The following SGCD variants were observed in gnomAD, a reference collection of about 807,000 sequenced individuals.
The protein encoded by SGCD is delta-sarcoglycan.
In SGCD, 18 loss-of-function variants were observed where a neutral mutation model predicts 36.6. That is an observed-to-expected ratio of 0.49 (90% CI 0.34 to 0.73). SGCD has a LOEUF of 0.73. SGCD is among the 30% of genes least tolerant of loss of function. The pLI, the probability that SGCD is intolerant of heterozygous loss-of-function variation, is 0.01. For synonymous variants in SGCD, 133 were observed against 130.6 expected, an observed-to-expected ratio of 1.02 and a Z score of -0.12; for missense variants, 387 against 346.7, an observed-to-expected ratio of 1.12 and a Z score of -0.92.
intron 3 of SGCD, among the ~76,000 whole-genome samples, chr5:156,362,746 G>C (rs568467950): frequency 7.9e-5 from 12 of 152,288 alleles, no homozygotes; most frequent in African/African-American, 2.9e-4. Flanking sequence ...TTTCCAATAA[G>C]GGATACTTGG....
At chr5:156,176,908 C>A (rs1298034585) in intron 3 of SGCD, among the ~76,000 whole-genome samples, 1 of 152,076 alleles carries the variant, frequency 6.6e-6, no homozygotes, top group East Asian at 1.9e-4. Context: ...ACATAGGGAC[C>A]CCTAGTTTTT....
At chr5:156,656,344 A>G (rs1379741984) in intron 7 of SGCD, among the ~76,000 whole-genome samples, 5 of 152,176 alleles carry the variant, frequency 3.3e-5, no homozygotes, top group African/African-American at 1.2e-4. Context: ...ATATGGAGAT[A>G]TGAACCAAGC....
chr5:155,856,214 T>C, the SGCD span, among the ~76,000 whole-genome samples: 1 of 152,120 alleles, frequency 6.6e-6, no homozygotes, highest in African/African-American at 2.4e-5. Context: ...CTATACATTC[T>C]AAAGCAACCA....
intron 3 of SGCD, among the ~76,000 whole-genome samples, chr5:156,405,532 A>C (rs770071574): frequency 2.6e-5 from 4 of 152,192 alleles, no homozygotes; most frequent in Non-Finnish European, 5.9e-5. Context: ...AATTTTAGTA[A>C]ACAGTAAAAT....
At chr5:156,521,845 G>A (rs553526693) in intron 4 of SGCD, among the ~76,000 whole-genome samples, 7 of 152,158 alleles carry the variant, frequency 4.6e-5, no homozygotes, top group Non-Finnish European at 7.3e-5. Flanking sequence ...CCATTACTGG[G>A]TATATACCCA....
rs143119087 is a variant in SGCD at position 156,489,094 on chromosome 5, C to T, written c.193-19507C>T. Among the ~76,000 whole-genome samples the T allele has an allele frequency of 4.6e-3, 695 of 152,076 alleles. 4 individuals are homozygous for T. The highest frequency in any genetic ancestry group is 0.016 in the African/African-American group (656 of 41,538). On this transcript the variant is annotated intron_variant, in intron 3 of 8. Transcript: ENST00000337851. ...GTAGCTTTTCTTATATCAGATAAAA[C>T]ACACTTTAAATCAAAAACTGTAAAA...
At chr5:156,083,626 T>C (rs1761022254) in intron 1 of SGCD, among the ~76,000 whole-genome samples, 1 of 151,600 alleles carries the variant, frequency 6.6e-6, no homozygotes, top group South Asian at 2.1e-4. Flanking sequence ...TTATGGCTTG[T>C]ACTTTTGGTA....
chr5:156,118,126 G>A (rs1761947724), intron 2 of SGCD, among the ~76,000 whole-genome samples: 3 of 152,122 alleles, frequency 2.0e-5, no homozygotes, highest in South Asian at 4.1e-4. Context: ...GGAGAGTGTA[G>A]TGAAGTCAGC....
chr5:156,160,055 A>C (rs775867067), intron 3 of SGCD, among the ~76,000 whole-genome samples: 24 of 151,756 alleles, frequency 1.6e-4, no homozygotes, highest in Admixed American at 1.2e-3. Context: ...TATTTCAGTC[A>C]GTATAATTCA....
intron 1 of SGCD, among the ~76,000 whole-genome samples, chr5:156,006,317 G>A (rs1033910266): frequency 2.6e-5 from 4 of 152,102 alleles, no homozygotes; most frequent in Non-Finnish European, 5.9e-5. Flanking sequence ...TTTGAATTCA[G>A]TACCAAAGTC....
At chr5:156,440,594 T>G (rs940850406) in intron 3 of SGCD, among the ~76,000 whole-genome samples, 2 of 152,138 alleles carry the variant, frequency 1.3e-5, no homozygotes, top group Non-Finnish European at 2.9e-5. Flanking sequence ...ATAAAAGGGT[T>G]CTAGTTTTTT....
chr5:155,812,302 A>T, the SGCD span, among the ~76,000 whole-genome samples: 1 of 152,044 alleles, frequency 6.6e-6, no homozygotes, highest in East Asian at 1.9e-4. Flanking sequence ...CTTTTCTGGG[A>T]TAGGAATCTT....
intron 1 of SGCD, among the ~76,000 whole-genome samples, chr5:156,094,370 G>T (rs1761326126): frequency 6.6e-6 from 1 of 152,168 alleles, no homozygotes; most frequent in African/African-American, 2.4e-5. Context: ...CTATCTGGAA[G>T]AATTTTCGTT....
chr5:156,429,474 G>A (rs1251821699), intron 3 of SGCD, among the ~76,000 whole-genome samples: 1 of 151,374 alleles, frequency 6.6e-6, no homozygotes. Context: ...CTGCCATTCT[G>A]TGTCTTTTAA....
At chr5:156,255,850 T>C (rs750741436) in intron 3 of SGCD, among the ~76,000 whole-genome samples, 5 of 152,106 alleles carry the variant, frequency 3.3e-5, no homozygotes, top group Non-Finnish European at 7.4e-5. Context: ...ATTTTAATAA[T>C]AGCTATATTA....
chr5:156,493,514 T>C (rs775972272), intron 3 of SGCD, among the ~76,000 whole-genome samples: 1 of 152,162 alleles, frequency 6.6e-6, no homozygotes, highest in Non-Finnish European at 1.5e-5. Flanking sequence ...CCAGGCTATC[T>C]GCCCTTCTTG....
intron 3 of SGCD, among the ~76,000 whole-genome samples, chr5:156,398,016 G>T (rs1312970734): frequency 5.3e-5 from 8 of 152,182 alleles, no homozygotes; most frequent in Admixed American, 2.6e-4. Context: ...CTTTATACAA[G>T]TGTTCCAGGG....
At chr5:156,278,065 G>T (rs1048976545) in intron 3 of SGCD, among the ~76,000 whole-genome samples, 1 of 152,186 alleles carries the variant, frequency 6.6e-6, no homozygotes, top group Non-Finnish European at 1.5e-5. Flanking sequence ...GAAAGGTGAT[G>T]CTTGAGCTGG....
the SGCD span, among the ~76,000 whole-genome samples, chr5:155,741,759 C>T: frequency 6.8e-6 from 1 of 147,510 alleles, no homozygotes; most frequent in East Asian, 2.0e-4. Flanking sequence ...GTGGTGTGAT[C>T]TCAGCTCATT....
Sources: gnomAD v4.1 joint callset for allele counts (sites outside exome capture counted in the v4.1 genomes callset) on GRCh38, gnomAD v4.1.1 for gene constraint, MANE v1.5 for transcripts, NCBI Gene and HGNC (gene_info 2026-07-23, HGNC 2026-07-21) for gene names.